The following MAGI2 variants were observed in gnomAD, a reference collection of about 807,000 sequenced individuals.
The protein encoded by MAGI2 is membrane-associated guanylate kinase, WW and PDZ domain-containing protein 2.
MAGI2 carries 35 observed loss-of-function variants against 133.3 expected under a neutral mutation model. The observed-to-expected ratio is 0.26, with a 90% CI of 0.20 to 0.35. The LOEUF (loss-of-function observed/expected upper bound fraction) is 0.35. MAGI2 is among the 10% of genes least tolerant of loss of function. MAGI2 has a pLI of 1.00. For synonymous variants in MAGI2, 729 were observed against 710.6 expected, an observed-to-expected ratio of 1.03 and a Z score of -0.41; for missense variants, 1,636 against 1,863.4, an observed-to-expected ratio of 0.88 and a Z score of 2.25.
chr7:78,584,385 A>G lies in MAGI2; in HGVS notation c.538+42735T>C, dbSNP rs185069704. Among the ~76,000 whole-genome samples, 123 of 133,100 alleles carry G rather than the reference A, an allele frequency of 9.2e-4. No individual in the cohort carries two copies. The East Asian group carries it at 0.021, about 23-fold the overall frequency. The allele number at this position is 133,100 out of a possible 152,430, so 87.3% of individuals were successfully genotyped here. ...CAGTGAGCCAAGATCGTACCACTGC[A>G]TTCCAGCCTGGGTGACAGAGTGAGA... On this transcript the variant is annotated intron_variant, in intron 3 of 21. Coordinates refer to ENST00000354212, the MANE Select transcript of MAGI2 (RefSeq NM_012301.4).
chr7:78,588,057 G>GA (rs1256976566), intron 3 of MAGI2, among the ~76,000 whole-genome samples: 1 of 151,976 alleles, frequency 6.6e-6, no homozygotes, highest in Non-Finnish European at 1.5e-5. Flanking sequence ...AACTTTTTGG[G>GA]AAAAAAAGTA....
In MAGI2 at chr7:78,505,111, G is replaced by A. The variant is rs147120985; in HGVS notation, c.755-3324C>T. On this transcript the variant is annotated intron_variant, in intron 4 of 21. Coordinates refer to ENST00000354212, the MANE Select transcript of MAGI2 (RefSeq NM_012301.4). ...TTTTACATATCTTTGCTTTCATTGG[G>A]TATCTATTATTTTTATAACTTCAAA... Among the ~76,000 whole-genome samples the A allele has an allele frequency of 1.1e-3, 162 of 152,084 alleles. 2 individuals carry two copies. In the East Asian group the frequency reaches 0.027, roughly 26 times the overall value.
intron 1 of MAGI2, among the ~76,000 whole-genome samples, chr7:79,391,520 T>TATATATATATATATATAGAC (rs1844629596): frequency 1.9e-5 from 1 of 53,478 alleles, no homozygotes; most frequent in Admixed American, 1.7e-4. Flanking sequence ...TATATATATA[T>TATATATATATATATATAGAC]ATATATATAT....
chr7:78,207,939 C>T (rs1305523618), intron 10 of MAGI2, among the ~76,000 whole-genome samples: 2 of 152,098 alleles, frequency 1.3e-5, no homozygotes, highest in African/African-American at 4.8e-5. Context: ...GGCCTGATCT[C>T]GGCTCACTGT....
intron 9 of MAGI2, among the ~76,000 whole-genome samples, chr7:78,288,905 AAACT>A (rs1314124634): frequency 6.6e-6 from 1 of 152,200 alleles, no homozygotes; most frequent in East Asian, 1.9e-4. Context: ...GTTAGAAGGA[AAACT>A]AACAAACAGA....
chr7:78,824,056 T>C (rs1446766997), intron 2 of MAGI2, among the ~76,000 whole-genome samples: 1 of 152,200 alleles, frequency 6.6e-6, no homozygotes, highest in Non-Finnish European at 1.5e-5. Context: ...AAAAATGTAA[T>C]GTCCAATAAG....
chr7:79,165,795 G>A (rs1364517952), intron 1 of MAGI2, among the ~76,000 whole-genome samples: 1 of 151,880 alleles, frequency 6.6e-6, no homozygotes, highest in African/African-American at 2.4e-5. Flanking sequence ...TTTTTACAAG[G>A]CAGAGTTGAA....
Position 79,013,542 on chromosome 7 carries a change from TTTC to T in MAGI2, c.302-6339_302-6337del, listed in dbSNP as rs1219850614. Among the ~76,000 whole-genome samples the T allele has an allele frequency of 1.4e-4, 21 of 152,266 alleles. 1 individual carries two copies. Among genetic ancestry groups the T allele is most frequent in the African/African-American group, 5.1e-4 (21 of 41,560 alleles). Reference sequence around the variant, plus strand: ...TGTTAAGTTCCTTTTTCAAAAATAGTTTCTGCTTGGCTCACCTCAAAAATGAGA... The same window carrying T: ...TGTTAAGTTCCTTTTTCAAAAATAGTTGCTTGGCTCACCTCAAAAATGAGA... On this transcript the variant is annotated intron_variant, in intron 1 of 21. Transcript: ENST00000354212.
intron 1 of MAGI2, among the ~76,000 whole-genome samples, chr7:79,272,797 GTTAA>G (rs754326462): frequency 6.6e-6 from 1 of 152,016 alleles, no homozygotes; most frequent in Non-Finnish European, 1.5e-5. Flanking sequence ...AAATGATCTA[GTTAA>G]TTGAGTTAAT....
At chr7:78,351,343 C>A (rs1272825592) in intron 7 of MAGI2, among the ~76,000 whole-genome samples, 1 of 152,136 alleles carries the variant, frequency 6.6e-6, no homozygotes, top group African/African-American at 2.4e-5. Flanking sequence ...CCCGTCTCTA[C>A]TAAAAGTATA....
intron 1 of MAGI2, among the ~76,000 whole-genome samples, chr7:79,430,151 C>T (rs1472150983): frequency 1.3e-5 from 2 of 151,924 alleles, no homozygotes; most frequent in African/African-American, 2.4e-5. Context: ...AGGAAATATC[C>T]AGATTTTATT....
intron 6 of MAGI2, among the ~76,000 whole-genome samples, chr7:78,475,506 A>G (rs1791656200): frequency 6.6e-6 from 1 of 152,010 alleles, no homozygotes; most frequent in Admixed American, 6.6e-5. Flanking sequence ...AGGTAAGAAT[A>G]TAGTTTAGTA....
intron 2 of MAGI2, among the ~76,000 whole-genome samples, chr7:78,673,307 C>G (rs1331515991): frequency 2.0e-5 from 3 of 151,878 alleles, no homozygotes; most frequent in Non-Finnish European, 4.4e-5. Context: ...CACACACACA[C>G]AGCACACACA....
intron 4 of MAGI2, chr7:78,518,484 A>G (rs1423561025): frequency 6.6e-6 from 1 of 152,200 alleles, no homozygotes; most frequent in African/African-American, 2.4e-5. Context: ...ACTAATACCT[A>G]TAATGAGGTT....
At chr7:78,980,439 A>G (rs751981270) in intron 2 of MAGI2, among the ~76,000 whole-genome samples, 11 of 151,878 alleles carry the variant, frequency 7.2e-5, no homozygotes, top group Non-Finnish European at 1.0e-4. Flanking sequence ...CTTGGCCATC[A>G]GTATCACCAG....
intron 2 of MAGI2, among the ~76,000 whole-genome samples, chr7:78,697,787 C>A (rs1289019784): frequency 2.6e-5 from 4 of 152,062 alleles, no homozygotes; most frequent in African/African-American, 9.7e-5. Flanking sequence ...TATTTCTCTC[C>A]CTTTTTATTA....
chr7:78,410,751 G>A (rs557961406), intron 6 of MAGI2, among the ~76,000 whole-genome samples: 1 of 151,938 alleles, frequency 6.6e-6, no homozygotes, highest in Non-Finnish European at 1.5e-5. Flanking sequence ...GGAAAAAAAA[G>A]CAAGTGAAGA....
At chr7:78,182,235 AAG>A (rs1827253305) in intron 13 of MAGI2, among the ~76,000 whole-genome samples, 1 of 152,210 alleles carries the variant, frequency 6.6e-6, no homozygotes, top group Non-Finnish European at 1.5e-5. Flanking sequence ...GGAATCAAAA[AAG>A]GTTATTAAAC....
intron 20 of MAGI2, among the ~76,000 whole-genome samples, chr7:78,112,859 TGAA>T (rs1207311186): frequency 1.3e-5 from 2 of 152,176 alleles, no homozygotes; most frequent in African/African-American, 2.4e-5. Flanking sequence ...ACAAATGCTA[TGAA>T]GAAGATGTGC....
Sources: allele counts gnomAD v4.1 joint callset (sites outside exome capture counted in the v4.1 genomes callset), GRCh38; gene constraint gnomAD v4.1.1; transcripts MANE v1.5; gene names NCBI Gene and HGNC (gene_info 2026-07-23, HGNC 2026-07-21).